Variants in MYO5A observed in about 807,000 individuals in gnomAD.
MYO5A encodes the protein unconventional myosin-Va.
In MYO5A, 98 loss-of-function variants were observed where a neutral mutation model predicts 249.7. The ratio of observed to expected loss-of-function variants is 0.39; its 90% CI spans 0.33 to 0.46. The LOEUF (loss-of-function observed/expected upper bound fraction) is 0.46. Among genes scored for constraint, MYO5A ranks in the 20% least tolerant of loss-of-function variants. The pLI is 0.98. For synonymous variants in MYO5A, 778 were observed against 810.6 expected (o/e 0.96, Z 0.68); for missense variants, 1,696 against 2,308.8 (o/e 0.73, Z 5.44).
intron 28 of MYO5A, among the ~76,000 whole-genome samples, chr15:52,350,881 A>G (rs559879563): frequency 6.6e-6 from 1 of 152,324 alleles, no homozygotes; most frequent in Non-Finnish European, 1.5e-5. Flanking sequence ...TAAACCAGCT[A>G]TTTTTGACAA....
chr15:52,366,201 A>G (rs1468158670), intron 23 of MYO5A, among the ~76,000 whole-genome samples: 1 of 151,846 alleles, frequency 6.6e-6, no homozygotes, highest in Non-Finnish European at 1.5e-5. Flanking sequence ...CAAACTTAAC[A>G]CTCCAACAAC....
At chr15:52,315,665 C>T (rs963895821) in intron 40 of MYO5A, among the ~76,000 whole-genome samples, 2 of 149,784 alleles carry the variant, frequency 1.3e-5, no homozygotes, top group Admixed American at 6.7e-5. Context: ...TGAGCCAGCA[C>T]GCCTGGCCTA....
intron 10 of MYO5A, 99 bp from the exon 11 acceptor site, chr15:52,396,496 T>C (rs1398831782): frequency 3.4e-5 from 24 of 704,658 alleles, no homozygotes; most frequent in Non-Finnish European, 1.2e-5. Flanking sequence ...AGTGGGACAT[T>C]CCCCAACATT....
At chr15:52,505,333 T>C in intron 1 of MYO5A, 1 of 777,806 alleles carries the variant, frequency 1.3e-6, no homozygotes, top group Non-Finnish European at 2.4e-6. Context: ...GCCTGCCGAC[T>C]TGTGTCATGC....
At chr15:52,418,849 G>A (rs1226439940) in intron 4 of MYO5A, among the ~76,000 whole-genome samples, 2 of 151,902 alleles carry the variant, frequency 1.3e-5, no homozygotes, top group Non-Finnish European at 2.9e-5. Flanking sequence ...TTGGTCTGTC[G>A]GGTCTTTCCT....
At chr15:52,324,475 G>A (rs2038500226) in intron 36 of MYO5A, among the ~76,000 whole-genome samples, 1 of 152,194 alleles carries the variant, frequency 6.6e-6, no homozygotes, top group Admixed American at 6.5e-5. Context: ...AAATATCAAT[G>A]TTTGCCTGCA....
intron 31 of MYO5A, among the ~76,000 whole-genome samples, 172 bp from the exon 32 acceptor site, chr15:52,340,566 A>C (rs1371575095): frequency 6.6e-6 from 1 of 152,226 alleles, no homozygotes; most frequent in Non-Finnish European, 1.5e-5. Flanking sequence ...GCAGAAATAG[A>C]AACGGGTGCT....
intron 23 of MYO5A, 74 bp from the exon 24 acceptor site, chr15:52,364,776 T>C: frequency 1.3e-6 from 2 of 1,548,690 alleles, no homozygotes; most frequent in South Asian, 2.3e-5. Flanking sequence ...TGTATACTGA[T>C]TTCCAGTTTC....
Position 52,353,662 on chromosome 15 carries a change from G to A in MYO5A, c.3568-4C>T, listed in dbSNP as rs144406001. 6.1e-4 allele frequency: 986 copies of A among 1,612,706 alleles called. 8 individuals are homozygous for A. In the East Asian group the frequency reaches 0.012, roughly 19 times the overall value. ...TAATTTGTGGTCTTTCTTCTTCCTAGGGAAAAGTTAAAGTTTTATATTTTA... is the reference window on the plus strand; with the variant it reads ...TAATTTGTGGTCTTTCTTCTTCCTAAGGAAAAGTTAAAGTTTTATATTTTA... On this transcript the variant is annotated splice_region_variant and splice_polypyrimidine_tract_variant and intron_variant, in intron 26 of 41. Coordinates refer to ENST00000399233, the MANE Select transcript of MYO5A (RefSeq NM_001382347.1).
intron 1 of MYO5A, among the ~76,000 whole-genome samples, chr15:52,515,999 G>T (rs1047513036): frequency 6.6e-6 from 1 of 152,100 alleles, no homozygotes; most frequent in Non-Finnish European, 1.5e-5. Flanking sequence ...ACTAAATACC[G>T]GTCACTATTC....
chr15:52,314,570 C>T (rs142647913), intron 40 of MYO5A, among the ~76,000 whole-genome samples: 33 of 152,296 alleles, frequency 2.2e-4, no homozygotes, highest in African/African-American at 7.5e-4. Flanking sequence ...TATTCTAGTT[C>T]ATTTTATTTT....
chr15:52,474,772 G>A (rs528537782), intron 1 of MYO5A, among the ~76,000 whole-genome samples: 1 of 152,316 alleles, frequency 6.6e-6, no homozygotes, highest in South Asian at 2.1e-4. Context: ...TTTTTGATGT[G>A]CTGCTGGATT....
chr15:52,332,108 C>A (rs2038913785), intron 34 of MYO5A, among the ~76,000 whole-genome samples: 1 of 152,192 alleles, frequency 6.6e-6, no homozygotes, highest in African/African-American at 2.4e-5. Flanking sequence ...AATTATAAAA[C>A]CCCTGCCATC....
rs2043057488 is a variant in MYO5A, at chr15:52,407,468, C to T, written c.839-69G>A. On this transcript the variant is annotated intron_variant, in intron 7 of 41. Coordinates refer to ENST00000399233, the MANE Select transcript of MYO5A (RefSeq NM_001382347.1). ...CTTGCCTTCTAACCTTATGTCCACT[C>T]TGAATCAGAGGTGGTGATAGCACAG... 20 of 1,101,670 alleles carry T rather than the reference C, an allele frequency of 1.8e-5. No homozygotes were observed. In the South Asian group the frequency reaches 2.3e-4, roughly 13 times the overall value. 68.2% of individuals were successfully genotyped at this position (1,101,670 alleles called of 1,614,324 possible).
chr15:52,423,319 G>A (rs1395876541), intron 4 of MYO5A, among the ~76,000 whole-genome samples: 1 of 152,102 alleles, frequency 6.6e-6, no homozygotes, highest in African/African-American at 2.4e-5. Context: ...TTGGGAGGCC[G>A]AGGTGGGCGG....
In MYO5A at chr15:52,319,173, A is replaced by G. The variant is rs749123031; in HGVS notation, c.5121T>C (p.Pro1707=). The part of the protein sequence containing the change: ...HSVMCQHGMD[P]ELIKQVVKQM... Reference sequence around the variant, plus strand: ...GCTTGACCACCTGCTTGATCAGTTCAGGGTCCATGCCATGCTGACACATGA... The same window carrying G: ...GCTTGACCACCTGCTTGATCAGTTCGGGGTCCATGCCATGCTGACACATGA... The change falls in exon 39 of 42, where the codon CCT becomes CCC. Residue 1707 remains proline (P), a synonymous_variant. Coordinates refer to ENST00000399233, the MANE Select transcript of MYO5A (RefSeq NM_001382347.1). The G allele has an allele frequency of 1.2e-6, 2 of 1,614,074 alleles. No homozygotes were observed. The highest frequency in any genetic ancestry group is 2.7e-5 in the African/African-American group (2 of 74,928).
At chr15:52,368,491 C>T (rs140883655) in intron 22 of MYO5A, among the ~76,000 whole-genome samples, 2 of 152,306 alleles carry the variant, frequency 1.3e-5, no homozygotes, top group African/African-American at 2.4e-5. Flanking sequence ...AGGAACCATA[C>T]ATAACTCTAC....
At chr15:52,320,128 G>A (rs541256545) in intron 38 of MYO5A, among the ~76,000 whole-genome samples, 6 of 152,166 alleles carry the variant, frequency 3.9e-5, no homozygotes, top group Non-Finnish European at 7.3e-5. Context: ...CACAACAGCA[G>A]TGGGCCCTTG....
chr15:52,506,350 C>G (rs1360990369), intron 1 of MYO5A, among the ~76,000 whole-genome samples: 1 of 150,986 alleles, frequency 6.6e-6, no homozygotes, highest in Non-Finnish European at 1.5e-5. Context: ...GACTCTGTCT[C>G]AAAAAAATAA....
Sources: gnomAD v4.1 joint callset for allele counts (sites outside exome capture counted in the v4.1 genomes callset) on GRCh38, gnomAD v4.1.1 for gene constraint, MANE v1.5 for transcripts, NCBI Gene and HGNC (gene_info 2026-07-23, HGNC 2026-07-21) for gene names.